Variants in GLRA3 observed in about 807,000 individuals in gnomAD.
GLRA3 encodes the protein glycine receptor alpha 3.
Under a neutral mutation model 60.4 loss-of-function variants are expected in GLRA3, and 44 were observed. The ratio of observed to expected loss-of-function variants is 0.73; its 90% CI spans 0.57 to 0.94. GLRA3 has a LOEUF of 0.94. Ranked by LOEUF, GLRA3 falls within the 40% of genes least tolerant of loss-of-function variation. The pLI is 0.00. For missense variants in GLRA3, 508 were observed against 564.6 expected (o/e 0.90, Z 1.02); for synonymous variants, 223 against 192.9 (o/e 1.16, Z -1.29).
chr4:174,766,361 C>G (rs2111236011), intron 3 of GLRA3, among the ~76,000 whole-genome samples: 1 of 151,716 alleles, frequency 6.6e-6, no homozygotes, highest in Admixed American at 6.6e-5. Flanking sequence ...TTAAATTGCC[C>G]AATAAAAGCT....
At chr4:174,809,185 T>C (rs913551390) in intron 1 of GLRA3, among the ~76,000 whole-genome samples, 1 of 152,206 alleles carries the variant, frequency 6.6e-6, no homozygotes, top group Admixed American at 6.5e-5. Flanking sequence ...TTTAGACATA[T>C]GTATACAATT....
At chr4:174,644,133 T>A (rs112221905) in intron 9 of GLRA3, 69 bp from the exon 10 acceptor site, 19,826 of 839,682 alleles carry the variant, frequency 0.024, 294 homozygotes, top group Middle Eastern at 0.031. Flanking sequence ...CATCTCAGAA[T>A]CATAACCAAT....
rs12648678 is a variant in GLRA3 at position 174,677,129 on chromosome 4, A to G, written c.876T>C (p.Thr292=). 0.18 allele frequency: 294,777 copies of G among 1,612,734 alleles called. 28,999 individuals carry two copies. The highest frequency in any genetic ancestry group is 0.41 in the East Asian group (18,316 of 44,822). Residue 292 remains threonine, a synonymous_variant, in exon 7 of 10, where the codon ACT becomes ACC. Transcript: ENST00000274093. ...AACTCTGTGTAGTCATCGTTAGCAC[A>G]GTGGTTATCCCCAGAGCTACCCTGG... ...APARVALGIT[T]VLTMTTQSSG...
At chr4:174,750,754 T>C (rs1214650948) in intron 3 of GLRA3, among the ~76,000 whole-genome samples, 1 of 152,120 alleles carries the variant, frequency 6.6e-6, no homozygotes, top group Non-Finnish European at 1.5e-5. Flanking sequence ...ACCTTAGTGA[T>C]CTTTGACTGC....
At chr4:174,696,181 C>T (rs1735046339) in intron 5 of GLRA3, among the ~76,000 whole-genome samples, 1 of 150,930 alleles carries the variant, frequency 6.6e-6, no homozygotes, top group African/African-American at 2.4e-5. Context: ...ATTAATGTGG[C>T]AAAATTTTAA....
At chr4:174,691,875 C>G (rs1412821506) in intron 5 of GLRA3, among the ~76,000 whole-genome samples, 1 of 151,226 alleles carries the variant, frequency 6.6e-6, no homozygotes, top group East Asian at 2.0e-4. Context: ...GTGAGGAGCC[C>G]CTCTGCCTGG....
chr4:174,751,201 A>G (rs1034102299), intron 3 of GLRA3, among the ~76,000 whole-genome samples: 9 of 152,068 alleles, frequency 5.9e-5, no homozygotes, highest in African/African-American at 2.2e-4. Context: ...TTCTGGTTAA[A>G]GCATGATAGA....
intron 2 of GLRA3, among the ~76,000 whole-genome samples, chr4:174,767,682 G>T (rs1470127141): frequency 3.3e-5 from 5 of 152,020 alleles, no homozygotes; most frequent in African/African-American, 1.2e-4. Flanking sequence ...CTTGCCAAGG[G>T]TCTTCCATGG....
intron 6 of GLRA3, among the ~76,000 whole-genome samples, chr4:174,679,508 G>A (rs1464139584): frequency 6.6e-6 from 1 of 152,002 alleles, no homozygotes; most frequent in East Asian, 1.9e-4. Context: ...CCTTTAAAAA[G>A]TAAAAATAAA....
rs188827445 is a variant in GLRA3, at chr4:174,644,617, A to G, written c.1117-553T>C. On this transcript the variant is annotated intron_variant, in intron 9 of 9. Coordinates refer to ENST00000274093, the MANE Select transcript of GLRA3 (RefSeq NM_006529.4). ...CCTTTATGCTACTTTTCTGTTTTAC[A>G]CTAACCTTTTTGGAATACTTAGAAG... Among the ~76,000 whole-genome samples, 1,027 of 152,268 alleles carry G rather than the reference A, an allele frequency of 6.7e-3. 8 individuals are homozygous for G. Among genetic ancestry groups the G allele is most frequent in the Admixed American group, 0.011 (168 of 15,284 alleles).
Position 174,660,058 on chromosome 4 carries a change from G to GTA in GLRA3, c.928-863_928-862dup, listed in dbSNP as rs1240746531. On this transcript the variant is annotated intron_variant, in intron 7 of 9. Coordinates refer to ENST00000274093, the MANE Select transcript of GLRA3 (RefSeq NM_006529.4). Reference sequence around the variant, plus strand: ...TTTATTGTTGTGTGTGTATGTGTGTGTATATATATATACACATATATATAT... The same window carrying GTA: ...TTTATTGTTGTGTGTGTATGTGTGTGTATATATATATATACACATATATATAT... 1.5e-3 allele frequency among the ~76,000 whole-genome samples: 231 copies of GTA among 150,486 alleles called. 3 individuals are homozygous for GTA. The highest frequency in any genetic ancestry group is 4.9e-3 in the African/African-American group (200 of 40,994).
chr4:174,693,158 A>G (rs2111019359), intron 5 of GLRA3, among the ~76,000 whole-genome samples: 1 of 152,256 alleles, frequency 6.6e-6, no homozygotes, highest in South Asian at 2.1e-4. Flanking sequence ...ACTCTTAAAT[A>G]TAATTAGATC....
intron 7 of GLRA3, among the ~76,000 whole-genome samples, chr4:174,675,726 A>G (rs965486857): frequency 1.3e-5 from 2 of 152,210 alleles, no homozygotes; most frequent in East Asian, 1.9e-4. Flanking sequence ...GATGCGAACA[A>G]TTTTGAAAAT....
At chr4:174,766,728 T>A (rs1375132411) in intron 3 of GLRA3, among the ~76,000 whole-genome samples, 1 of 152,082 alleles carries the variant, frequency 6.6e-6, no homozygotes, top group African/African-American at 2.4e-5. Context: ...AAGTTTAATA[T>A]TAGATTGTTG....
At chr4:174,694,776 C>T (rs888448262) in intron 5 of GLRA3, among the ~76,000 whole-genome samples, 6 of 151,426 alleles carry the variant, frequency 4.0e-5, no homozygotes, top group East Asian at 1.9e-4. Context: ...AAAAGCCATT[C>T]GAAAGCCAGG....
intron 7 of GLRA3, among the ~76,000 whole-genome samples, chr4:174,668,600 C>A (rs1371037530): frequency 1.3e-5 from 2 of 151,954 alleles, no homozygotes; most frequent in African/African-American, 4.8e-5. Flanking sequence ...TAAATTATAA[C>A]CCAGATGACC....
At chr4:174,668,572 A>G (rs1330287084) in intron 7 of GLRA3, among the ~76,000 whole-genome samples, 1 of 152,228 alleles carries the variant, frequency 6.6e-6, no homozygotes, top group Non-Finnish European at 1.5e-5. Flanking sequence ...GGGCAAAGAT[A>G]TATTTGATGT....
chr4:174,649,305 T>C (rs1291748960), intron 9 of GLRA3, among the ~76,000 whole-genome samples: 1 of 152,130 alleles, frequency 6.6e-6, no homozygotes, highest in African/African-American at 2.4e-5. Flanking sequence ...TCAGCTATAG[T>C]AGCAGGTATC....
rs762874196 is a variant in GLRA3 at position 174,644,026 on chromosome 4, G to A, written c.1155C>T (p.Ala385=). The A allele has an allele frequency of 2.2e-5, 36 of 1,613,552 alleles. 1 individual carries two copies. Among genetic ancestry groups the A allele is most frequent in the Admixed American group, 1.3e-4 (8 of 59,960 alleles). The change falls in exon 10 of 10, where the codon GCC becomes GCT. Residue 385 remains alanine, a synonymous_variant. Coordinates refer to ENST00000274093, the MANE Select transcript of GLRA3 (RefSeq NM_006529.4). The stretch of plus-strand genomic sequence containing the variant: ...CTTGTAGACATGGTCCCATTCCATA[G>A]GCTGTGAAGCTGAATCGGCTTTCCC... ...EVRESRFSFT[A]YGMGPCLQAK... is the part of the protein sequence containing the mutation.
Sources: allele counts gnomAD v4.1 joint callset (sites outside exome capture counted in the v4.1 genomes callset), GRCh38; gene constraint gnomAD v4.1.1; transcripts MANE v1.5; gene names NCBI Gene and HGNC (gene_info 2026-07-23, HGNC 2026-07-21).